SPTB: variants seen among roughly 807,000 people sequenced by gnomAD.
SPTB encodes spectrin beta, erythrocytic, also known as spectrin beta chain, erythrocytic.
In SPTB, 45 loss-of-function variants were observed where a neutral mutation model predicts 256.2. That is an observed-to-expected ratio of 0.18 (90% CI 0.14 to 0.23). The LOEUF is 0.23. Among genes scored for constraint, SPTB ranks in the 10% least tolerant of loss-of-function variants. The pLI is 1.00. For synonymous variants in SPTB, 1,231 were observed against 1,243.1 expected (o/e 0.99, Z 0.21); for missense variants, 2,715 against 3,040.4 (o/e 0.89, Z 2.52).
chr14:64,787,786 T>A (rs1209984949), intron 15 of SPTB, among the ~76,000 whole-genome samples: 2 of 152,346 alleles, frequency 1.3e-5, no homozygotes, highest in East Asian at 1.9e-4. Context: ...GGAAATGTGC[T>A]AAGGTCTGGC....
chr14:64,804,929 G>A lies in SPTB; in HGVS notation c.300+10C>T. ...GGCAGCAGCCCCGGGGCCCACAGAA[G>A]GGACTTTACCAGCATCTCTCCAGAG... On this transcript the variant is annotated intron_variant, in intron 3 of 35. Coordinates refer to ENST00000644917, the MANE Select transcript of SPTB (RefSeq NM_001355436.2). The A allele has an allele frequency of 6.2e-7, 1 of 1,613,934 alleles. No homozygotes were observed. Among genetic ancestry groups the A allele is most frequent in the Non-Finnish European group, 8.5e-7 (1 of 1,180,014 alleles).
intron 32 of SPTB, among the ~76,000 whole-genome samples, chr14:64,763,198 G>A (rs929556531): frequency 6.6e-6 from 1 of 152,226 alleles, no homozygotes; most frequent in Admixed American, 6.5e-5. Flanking sequence ...CTGGGAGGTG[G>A]GGGATGCTCA....
chr14:64,829,480 G>T (rs1349501382), intron 1 of SPTB, among the ~76,000 whole-genome samples: 1 of 152,122 alleles, frequency 6.6e-6, no homozygotes, highest in East Asian at 1.9e-4. Context: ...ATATTGATTG[G>T]TACCTAGGAA....
Position 64,772,923 on chromosome 14 carries a change from C to T in SPTB, c.5210G>A (p.Arg1737Gln), listed in dbSNP as rs561976171. Residue 1737 changes from arginine (R) to glutamine (Q), a missense_variant, in exon 26 of 36, where the codon CGG (arginine) becomes CAG (glutamine). Physicochemically the swap from Arg to Gln is conservative, Grantham distance 43. Coordinates refer to ENST00000644917, the MANE Select transcript of SPTB (RefSeq NM_001355436.2). The surrounding 1 kb of genome is among the most constrained non-coding windows in gnomAD (Gnocchi z 5.4). ...LLRDKFRDFA[R>Q]ETGAIGQERV... ...CTCCTGCCCAATCGCCCCGGTCTCC[C>T]GGGCAAAGTCCCGGAACTTGTCCCG... 1.1e-5 allele frequency: 18 copies of T among 1,603,318 alleles called. No homozygotes were observed. Among genetic ancestry groups the T allele is most frequent in the East Asian group, 6.7e-5 (3 of 44,666 alleles).
intron 1 of SPTB, among the ~76,000 whole-genome samples, chr14:64,848,907 A>G (rs2083735741): frequency 1.3e-5 from 2 of 152,346 alleles, no homozygotes; most frequent in South Asian, 4.1e-4. Flanking sequence ...ACCTATGTGC[A>G]TGTCCTACAC....
chr14:64,846,357 T>C (rs1489716537), intron 1 of SPTB, among the ~76,000 whole-genome samples: 1 of 152,202 alleles, frequency 6.6e-6, no homozygotes, highest in Non-Finnish European at 1.5e-5. Flanking sequence ...AGGCTGCATA[T>C]ACAAGGCTAA....
intron 2 of SPTB, among the ~76,000 whole-genome samples, chr14:64,813,416 G>A (rs929490286): frequency 6.6e-6 from 1 of 152,198 alleles, no homozygotes; most frequent in Admixed American, 6.5e-5. Context: ...ATTTCATGGT[G>A]AGCTCTTTGC....
chr14:64,760,614 T>C lies in SPTB; in HGVS notation c.6345+6112A>G, dbSNP rs1421039514. Among the ~76,000 whole-genome samples the C allele has an allele frequency of 6.6e-6, 1 of 152,138 alleles. No individual in the cohort carries two copies. Among genetic ancestry groups the C allele is most frequent in the East Asian group, 1.9e-4 (1 of 5,186 alleles). ...ATGCATCGTGCCACAACTGAATTCA[T>C]GTTAGAATTCACATGGAGGATGCTA... is the stretch of plus-strand genomic sequence containing the variant. On this transcript the variant is annotated intron_variant, in intron 32 of 35. Transcript: ENST00000644917. The surrounding 1 kb of genome is among the most constrained non-coding windows in gnomAD (Gnocchi z 4.3).
chr14:64,867,840 C>G (rs1882279761), intron 1 of SPTB, among the ~76,000 whole-genome samples: 1 of 134,204 alleles, frequency 7.5e-6, no homozygotes, highest in Non-Finnish European at 1.5e-5. Flanking sequence ...CTGGCCTGGG[C>G]AACAGGGTGA....
intron 32 of SPTB, chr14:64,754,200 G>A (rs2081991349): frequency 2.9e-6 from 1 of 341,260 alleles, no homozygotes; most frequent in Non-Finnish European, 5.7e-6. Flanking sequence ...CTCGTATGAG[G>A]AAAGTTCTGC....
At position 64,792,964 on chromosome 14, in the gene SPTB, A is replaced by G. The variant is rs754539961; in HGVS notation, c.2666+33T>C. Reference sequence around the variant, plus strand: ...GGAGATGGTGCCCAGGCCTGGGTACAGGGACGTGAGGAAAAGATGAGTTAA... The same window carrying G: ...GGAGATGGTGCCCAGGCCTGGGTACGGGGACGTGAGGAAAAGATGAGTTAA... On this transcript the variant is annotated intron_variant, in intron 14 of 35. Coordinates refer to ENST00000644917, the MANE Select transcript of SPTB (RefSeq NM_001355436.2). The surrounding 1 kb of genome is among the most constrained non-coding windows in gnomAD (Gnocchi z 4.2). 3.1e-6 allele frequency: 5 copies of G among 1,613,472 alleles called. No homozygotes were observed. In the African/African-American group the frequency reaches 5.3e-5, roughly 17 times the overall value.
Position 64,796,602 on chromosome 14 carries a change from T to G in SPTB, c.1296A>C (p.Ala432=). 6.2e-7 allele frequency: 1 copy of G among 1,614,236 alleles called. No individual in the cohort carries two copies. Among genetic ancestry groups the G allele is most frequent in the Non-Finnish European group, 8.5e-7 (1 of 1,180,040 alleles). The change falls in exon 11 of 36, where the codon GCA becomes GCC. Residue 432 remains alanine, a synonymous_variant. Coordinates refer to ENST00000644917, the MANE Select transcript of SPTB (RefSeq NM_001355436.2). The surrounding 1 kb of genome is among the most constrained non-coding windows in gnomAD (Gnocchi z 4.1). ...TTTCACTGAGCCAGGTCTCTCTCAT[T>G]GCGGCCTTCCGGTCAAAGCGCCGGG... ...QLARRFDRKA[A]MRETWLSENQ...
chr14:64,787,209 G>C, intron 15 of SPTB, 49 bp from the exon 16 acceptor site: 2 of 1,597,418 alleles, frequency 1.3e-6, no homozygotes, highest in Non-Finnish European at 1.7e-6. Flanking sequence ...TTCTCCCTTA[G>C]CTCTTCTTCC....
chr14:64,766,020 CAT>C (rs1279125452), intron 32 of SPTB, among the ~76,000 whole-genome samples: 5 of 132,344 alleles, frequency 3.8e-5, no homozygotes, highest in Admixed American at 7.5e-5. Flanking sequence ...TTTGTGTGTG[CAT>C]ATGTGTGTAT....
chr14:64,793,047 G>T lies in SPTB; in HGVS notation c.2616C>A (p.Ala872=). The change falls in exon 14 of 36, where the codon GCC becomes GCA. Residue 872 remains alanine, a synonymous_variant. Coordinates refer to ENST00000644917, the MANE Select transcript of SPTB (RefSeq NM_001355436.2). This position sits in a 1 kb window ranked among gnomAD's most constrained non-coding sequence, Gnocchi z 7.0. ...CCAGGGTGTCTGGCATTTCCATCTC[G>T]GCCAGCCACTTCTCCTTCTCTCCCA... is the stretch of plus-strand genomic sequence containing the variant. ...LWMGEKEKWL[A]EMEMPDTLED... is the part of the protein sequence containing the mutation. The T allele has an allele frequency of 1.2e-6, 2 of 1,613,912 alleles. No homozygotes were observed. Among genetic ancestry groups the T allele is most frequent in the Non-Finnish European group, 1.7e-6 (2 of 1,180,038 alleles).
In SPTB at chr14:64,790,539, C is replaced by A. The variant is rs2082651415; in HGVS notation, c.2804+1180G>T. On this transcript the variant is annotated intron_variant, in intron 15 of 35. Coordinates refer to ENST00000644917, the MANE Select transcript of SPTB (RefSeq NM_001355436.2). The surrounding 1 kb of genome is among the most constrained non-coding windows in gnomAD (Gnocchi z 4.8). ...GAATCTCCTAAACCGCACTCTGCAG[C>A]TTGGGCTGCTAAGACAATCATCCCA... Among the ~76,000 whole-genome samples the A allele has an allele frequency of 6.6e-6, 1 of 152,226 alleles. No individual in the cohort carries two copies. Among genetic ancestry groups the A allele is most frequent in the Non-Finnish European group, 1.5e-5 (1 of 68,042 alleles).
At chr14:64,838,250 C>T (rs1218049830) in intron 1 of SPTB, among the ~76,000 whole-genome samples, 3 of 152,068 alleles carry the variant, frequency 2.0e-5, no homozygotes, top group Admixed American at 2.0e-4. Context: ...ATACCATATA[C>T]AGAAATTAAT....
At position 64,785,614 on chromosome 14, in the gene SPTB, T is replaced by A. The variant is rs776378723; in HGVS notation, c.3778A>T (p.Asn1260Tyr). 4.3e-6 allele frequency: 7 copies of A among 1,614,162 alleles called. No individual in the cohort carries two copies. The East Asian group carries it at 1.6e-4, about 36-fold the overall frequency. ...QLIEDRHRKNNEKAQEASVLL... is the reference protein window; with the variant it reads ...QLIEDRHRKNYEKAQEASVLL... ...ACAGAGGCCTCCTGGGCCTTCTCGT[T>A]GTTCTTCCTGTGCCTGGAAAGGAAG... is the stretch of plus-strand genomic sequence containing the variant. Residue 1260 changes from asparagine (N) to tyrosine (Y), a missense_variant, in exon 18 of 36, where the codon AAC (asparagine) becomes TAC (tyrosine). Around this residue, in one of 4 missense-constraint regions of SPTB, gnomAD observed 2,239 missense variants for 2,384.4 expected, o/e 0.94. Coordinates refer to ENST00000644917, the MANE Select transcript of SPTB (RefSeq NM_001355436.2). This position sits in a 1 kb window ranked among gnomAD's most constrained non-coding sequence, Gnocchi z 4.4.
At position 64,827,168 on chromosome 14, in the gene SPTB, G is replaced by A. The variant is rs769061802; in HGVS notation, c.-51-4023C>T. 1.3e-5 allele frequency among the ~76,000 whole-genome samples: 2 copies of A among 152,116 alleles called. No homozygotes were observed. The highest frequency in any genetic ancestry group is 1.9e-4 in the East Asian group (1 of 5,192). On this transcript the variant is annotated intron_variant, in intron 1 of 35. Transcript: ENST00000644917. The surrounding 1 kb of genome is among the most constrained non-coding windows in gnomAD (Gnocchi z 4.6). ...CAAGCTAGGACCCATGTCAGCCCTC[G>A]CCGAAGCCCCGAGCAGAAGAGGCAG...
Sources: allele counts gnomAD v4.1 joint callset (sites outside exome capture counted in the v4.1 genomes callset), GRCh38; gene constraint gnomAD v4.1.1; regional missense constraint gnomAD v4.1.1; non-coding constraint Gnocchi (gnomAD v3.1); transcripts MANE v1.5; gene names NCBI Gene and HGNC (gene_info 2026-07-23, HGNC 2026-07-21).